Variants in ACTR8 observed in about 807,000 individuals in gnomAD.
The protein encoded by ACTR8 is actin-related protein 8.
A neutral mutation model predicts 84.3 loss-of-function variants in ACTR8; 70 were observed. That is an observed-to-expected ratio of 0.83 (90% confidence interval 0.68 to 1.01). ACTR8 has a LOEUF of 1.01. Ranked by LOEUF, ACTR8 falls within the 50% of genes least tolerant of loss-of-function variation. The pLI, the probability that ACTR8 is intolerant of heterozygous loss-of-function variation, is 0.00. For missense variants in ACTR8, 672 were observed against 775.4 expected (o/e 0.87, Z 1.58); for synonymous variants, 268 against 275.2 (o/e 0.97, Z 0.26).
At chr3:53,871,547 T>G in intron 10 of ACTR8, 51 bp from the exon 11 acceptor site, 1 of 1,593,184 alleles carries the variant, frequency 6.3e-7, no homozygotes, top group African/African-American at 1.3e-5. Flanking sequence ...AACAGAACAC[T>G]ATTGATGTTG....
the ACTR8 span, chr3:53,859,741 G>C: frequency 1.3e-5 from 2 of 157,640 alleles, no homozygotes; most frequent in East Asian, 3.7e-4. Flanking sequence ...TAACTTCCTG[G>C]GTCCCATATC....
Position 53,873,001 on chromosome 3 carries a change from C to G in ACTR8, c.1161+31G>C, listed in dbSNP as rs148794032. The G allele has an allele frequency of 2.0e-5, 30 of 1,522,230 alleles. No homozygotes were observed. The East Asian group carries it at 5.5e-4, about 28-fold the overall frequency. 94.3% of individuals were successfully genotyped at this position (1,522,230 alleles called of 1,614,324 possible). On this transcript the variant is annotated intron_variant, in intron 9 of 12. Transcript: ENST00000335754. ...TGATTGAACCTGGATAACTTTCTTT[C>G]TACCCATGGAAACAGATACCTATAA...
At chr3:53,881,069 T>G (rs1299143262) in intron 1 of ACTR8, among the ~76,000 whole-genome samples, 1 of 152,210 alleles carries the variant, frequency 6.6e-6, no homozygotes, top group Non-Finnish European at 1.5e-5. Flanking sequence ...CAGTCAGCCT[T>G]CTCAACTAGA....
At chr3:53,873,219 A>C in intron 8 of ACTR8, 92 bp from the exon 9 acceptor site, 4 of 1,005,078 alleles carry the variant, frequency 4.0e-6, no homozygotes, top group African/African-American at 1.6e-5. Flanking sequence ...TCTAAATATC[A>C]CCTATAAAAA....
chr3:53,875,813 T>C, intron 7 of ACTR8, 135 bp downstream of exon 7: 1 of 1,322,246 alleles, frequency 7.6e-7, no homozygotes, highest in Non-Finnish European at 1.0e-6. Flanking sequence ...ACTTCCATAA[T>C]CTTGCTGGTT....
At chr3:53,876,840 A>T in intron 5 of ACTR8, 127 bp from the exon 6 acceptor site, 1 of 562,652 alleles carries the variant, frequency 1.8e-6, no homozygotes, top group Non-Finnish European at 3.1e-6. Context: ...ATTAAAGCTC[A>T]AACCTCTGTA....
chr3:53,880,189 T>G, intron 1 of ACTR8, 80 bp from the exon 2 acceptor site: 5 of 1,397,768 alleles, frequency 3.6e-6, no homozygotes, highest in Non-Finnish European at 4.9e-6. Flanking sequence ...CATAACAAGC[T>G]AAACTAAGAA....
chr3:53,860,317 A>T, the ACTR8 span: 11 of 1,044,176 alleles, frequency 1.1e-5, no homozygotes, highest in Admixed American at 2.0e-5. Context: ...AGGCAATCAC[A>T]TGTTGGCGTT....
In ACTR8 at chr3:53,870,025, A is replaced by G. The variant is rs1471053284; in HGVS notation, c.1688T>C (p.Phe563Ser). The G allele has an allele frequency of 6.2e-7, 1 of 1,614,068 alleles. No homozygotes were observed. The highest frequency in any genetic ancestry group is 1.3e-5 in the African/African-American group (1 of 74,924). ...ATCCACATTTTCAATAATTCGCCTG[A>G]AGGATGGTGGCATTTTGTTGAGAAT... ...HRILNKMPPS[F>S]RRIIENVDVI... Residue 563 changes from phenylalanine to serine, a missense_variant, in exon 12 of 13, where the codon TTC (phenylalanine) becomes TCC (serine). Coordinates refer to ENST00000335754, the MANE Select transcript of ACTR8 (RefSeq NM_022899.5). This position sits in a 1 kb window ranked among gnomAD's most constrained non-coding sequence, Gnocchi z 4.1.
At position 53,870,158 on chromosome 3, in the gene ACTR8, T is replaced by A; in HGVS notation, c.1568-13A>T. Reference sequence around the variant, plus strand: ...GTGTCGTCAGATGCTGAAAAGACAGTTGACATCCTCCATGCTTTTTTCTCC... The same window carrying A: ...GTGTCGTCAGATGCTGAAAAGACAGATGACATCCTCCATGCTTTTTTCTCC... On this transcript the variant is annotated splice_polypyrimidine_tract_variant and intron_variant, in intron 11 of 12. Coordinates refer to ENST00000335754, the MANE Select transcript of ACTR8 (RefSeq NM_022899.5). This position sits in a 1 kb window ranked among gnomAD's most constrained non-coding sequence, Gnocchi z 4.1. 1 of 1,608,456 alleles carries A rather than the reference T, an allele frequency of 6.2e-7. No individual in the cohort carries two copies. Among genetic ancestry groups the A allele is most frequent in the Non-Finnish European group, 8.5e-7 (1 of 1,175,368 alleles).
intron 10 of ACTR8, 36 bp from the exon 11 acceptor site, chr3:53,871,532 A>G: frequency 6.2e-7 from 1 of 1,608,900 alleles, no homozygotes; most frequent in Non-Finnish European, 8.5e-7. Context: ...ATGTGGTATT[A>G]CAACAACAGA....
Position 53,870,170 on chromosome 3 carries a change from A to G in ACTR8, c.1568-25T>C, listed in dbSNP as rs1424130012. On this transcript the variant is annotated intron_variant, in intron 11 of 12. Coordinates refer to ENST00000335754, the MANE Select transcript of ACTR8 (RefSeq NM_022899.5). The surrounding 1 kb of genome is among the most constrained non-coding windows in gnomAD (Gnocchi z 4.1). ...GCTGAAAAGACAGTTGACATCCTCC[A>G]TGCTTTTTTCTCCACATCCATAATT... 4 of 1,604,380 alleles carry G rather than the reference A, an allele frequency of 2.5e-6. No individual in the cohort carries two copies. Among genetic ancestry groups the G allele is most frequent in the East Asian group, 2.2e-5 (1 of 44,588 alleles).
chr3:53,879,567 G>GA (rs1466062496), intron 2 of ACTR8, among the ~76,000 whole-genome samples: 1 of 152,040 alleles, frequency 6.6e-6, no homozygotes, highest in Non-Finnish European at 1.5e-5. Flanking sequence ...CTAATGGATT[G>GA]AAAATAAGAG....
At position 53,877,697 on chromosome 3, in the gene ACTR8, T is replaced by A. The variant is rs746103023; in HGVS notation, c.460A>T (p.Asn154Tyr). The A allele has an allele frequency of 1.4e-5, 22 of 1,614,074 alleles. No individual in the cohort carries two copies. The highest frequency in any genetic ancestry group is 1.9e-5 in the Non-Finnish European group (22 of 1,180,014). ...RPAILDHCSG[N>Y]KWTNTSHHPE... ...TGATGAGATGTGTTTGTCCACTTAT[T>A]TCCCGAACAGTGATCTAAAATTGCA... The change falls in exon 4 of 13, where the codon AAT (asparagine) becomes TAT (tyrosine). Residue 154 changes from asparagine (N) to tyrosine (Y), a missense_variant. Asn to Tyr is a moderately radical substitution (Grantham distance 143). Transcript: ENST00000335754.
downstream of ACTR8, among the ~76,000 whole-genome samples, chr3:53,862,993 C>T (rs544135808): frequency 6.6e-5 from 10 of 152,264 alleles, no homozygotes; most frequent in South Asian, 1.7e-3. Flanking sequence ...TCCTCTTCCT[C>T]GTCAGCCTAC....
At position 53,868,616 on chromosome 3, in the gene ACTR8, A is replaced by G. The variant is rs1699832604; in HGVS notation, c.*103T>C. 6.7e-7 allele frequency: 1 copy of G among 1,496,060 alleles called. No homozygotes were observed. The highest frequency in any genetic ancestry group is 9.0e-7 in the Non-Finnish European group (1 of 1,113,528). The allele number at this position is 1,496,060 out of a possible 1,614,324, so 92.7% of individuals were successfully genotyped here. A position where few individuals can be genotyped will look rare whatever the true frequency, so the allele number is the denominator to read the frequency against. On this transcript the variant is annotated 3_prime_UTR_variant, in exon 13 of 13. Coordinates refer to ENST00000335754, the MANE Select transcript of ACTR8 (RefSeq NM_022899.5). ...TTCAAATTCATTTACTGTCCATGAC[A>G]CTTAAGCATCCAGATCAATAAATTA...
At chr3:53,878,559 TG>T in intron 2 of ACTR8, 92 bp from the exon 3 acceptor site, 1 of 779,266 alleles carries the variant, frequency 1.3e-6, no homozygotes, top group Non-Finnish European at 2.2e-6. Flanking sequence ...TCTTTGGAAA[TG>T]CTCCTTCATC....
At chr3:53,874,075 C>T (rs552639048) in intron 8 of ACTR8, 136 bp downstream of exon 8, 7 of 774,406 alleles carry the variant, frequency 9.0e-6, no homozygotes, top group African/African-American at 3.7e-5. Context: ...CCACCCACCT[C>T]GGCCTCCCAA....
downstream of ACTR8, chr3:53,865,226 G>C: frequency 2.5e-6 from 4 of 1,613,730 alleles, no homozygotes; most frequent in Non-Finnish European, 3.4e-6. Context: ...ACTGCTTTCT[G>C]TGCAGAACTT....
Sources: allele counts gnomAD v4.1 joint callset (sites outside exome capture counted in the v4.1 genomes callset), GRCh38; gene constraint gnomAD v4.1.1; non-coding constraint Gnocchi (gnomAD v3.1); transcripts MANE v1.5; gene names NCBI Gene and HGNC (gene_info 2026-07-23, HGNC 2026-07-21).